FMO3: variants seen among roughly 807,000 people sequenced by gnomAD.
FMO3 encodes flavin-containing monooxygenase 3.
In FMO3, 40 loss-of-function variants were observed where a neutral mutation model predicts 39.4. The observed-to-expected ratio is 1.02, with a 90% confidence interval of 0.79 to 1.32. FMO3 has a LOEUF of 1.32. Ranked by LOEUF, FMO3 falls within the 40% of genes most tolerant of loss-of-function variation. The pLI is 0.00. For synonymous variants in FMO3, 219 were observed against 228.8 expected (o/e 0.96, Z 0.39); for missense variants, 680 against 651.8 (o/e 1.04, Z -0.47).
chr1:171,092,412 G>C (rs1456383433), intron 1 of FMO3, among the ~76,000 whole-genome samples: 1 of 151,758 alleles, frequency 6.6e-6, no homozygotes, highest in East Asian at 1.9e-4. Context: ...GTTTTGTTTT[G>C]TGGAGACAGG....
intron 1 of FMO3, among the ~76,000 whole-genome samples, chr1:171,091,390 G>A (rs1654696169): frequency 6.6e-6 from 1 of 151,844 alleles, no homozygotes; most frequent in Non-Finnish European, 1.5e-5. Flanking sequence ...GGATCATGAT[G>A]TTTAATCATC....
chr1:171,096,290 ATC>A (rs1491242002), intron 2 of FMO3, among the ~76,000 whole-genome samples: 6,340 of 36,578 alleles, frequency 0.17, 357 homozygotes, highest in South Asian at 0.3. Context: ...TATATTATAT[ATC>A]TATTATATAT....
At chr1:171,105,441 C>T (rs1047724000) in intron 3 of FMO3, among the ~76,000 whole-genome samples, 1 of 152,056 alleles carries the variant, frequency 6.6e-6, no homozygotes, top group African/African-American at 2.4e-5. Flanking sequence ...ATTTCTAGTC[C>T]TAGATCCCTG....
At chr1:171,096,916 A>G (rs897558699) in intron 2 of FMO3, among the ~76,000 whole-genome samples, 17 of 151,298 alleles carry the variant, frequency 1.1e-4, no homozygotes, top group African/African-American at 3.9e-4. Flanking sequence ...CATTAGGTAT[A>G]TCTCCTAATG....
chr1:171,091,223 CA>C (rs902273760), intron 1 of FMO3, among the ~76,000 whole-genome samples: 39 of 125,144 alleles, frequency 3.1e-4, no homozygotes, highest in Admixed American at 4.9e-4. Context: ...AACTCCGTCT[CA>C]AAAAAAAAAA....
intron 7 of FMO3, among the ~76,000 whole-genome samples, chr1:171,115,467 AG>A (rs1425756822): frequency 6.6e-6 from 1 of 152,192 alleles, no homozygotes; most frequent in Non-Finnish European, 1.5e-5. Context: ...AAGCTGTTCA[AG>A]TGACCCTCCC....
intron 6 of FMO3, among the ~76,000 whole-genome samples, chr1:171,112,912 C>A (rs1365309044): frequency 3.9e-5 from 6 of 152,018 alleles, no homozygotes; most frequent in Non-Finnish European, 7.4e-5. Flanking sequence ...AAAAGAATAG[C>A]CAGCAAAGTA....
At chr1:171,101,925 T>C in intron 2 of FMO3, 5 of 357,326 alleles carry the variant, frequency 1.4e-5, no homozygotes, top group South Asian at 1.1e-4. Context: ...CTCTGATTTT[T>C]TTCTGGACTA....
At chr1:171,101,581 T>C in intron 2 of FMO3, 1 of 420,134 alleles carries the variant, frequency 2.4e-6, no homozygotes, top group East Asian at 7.2e-5. Flanking sequence ...CAAACATTGG[T>C]TAAAACTTAG....
At chr1:171,117,030 G>A in intron 8 of FMO3, 70 bp from the exon 9 acceptor site, 1 of 1,199,974 alleles carries the variant, frequency 8.3e-7, no homozygotes, top group Admixed American at 1.7e-5. Flanking sequence ...AAAGTTGCGA[G>A]CCATTTTCTC....
intron 2 of FMO3, among the ~76,000 whole-genome samples, 183 bp from the exon 3 acceptor site, chr1:171,103,602 T>C (rs548240126): frequency 6.6e-6 from 1 of 152,326 alleles, no homozygotes; most frequent in Admixed American, 6.5e-5. Flanking sequence ...GTATATAGGT[T>C]ATACGAAAAT....
intron 6 of FMO3, among the ~76,000 whole-genome samples, chr1:171,113,093 G>T (rs911765469): frequency 1.3e-5 from 2 of 152,178 alleles, no homozygotes; most frequent in Non-Finnish European, 2.9e-5. Context: ...CAGTTTCAGC[G>T]TGGTGATGGA....
chr1:171,114,785 A>G (rs1205858632), intron 7 of FMO3, among the ~76,000 whole-genome samples: 1 of 152,214 alleles, frequency 6.6e-6, no homozygotes, highest in African/African-American at 2.4e-5. Context: ...ATCCACAGTC[A>G]TGGAAAATAT....
chr1:171,101,738 T>G, intron 2 of FMO3: 1 of 517,888 alleles, frequency 1.9e-6, no homozygotes, highest in Non-Finnish European at 4.0e-6. Context: ...GGAGGACATT[T>G]CACCCAGATC....
intron 3 of FMO3, among the ~76,000 whole-genome samples, chr1:171,104,798 C>G (rs576949878): frequency 6.6e-6 from 1 of 151,986 alleles, no homozygotes; most frequent in Non-Finnish European, 1.5e-5. Context: ...TGCTTGAGCT[C>G]GGGAGGTAGA....
Position 171,110,988 on chromosome 1 carries a change from CTTTAA to C in FMO3, c.819_823del (p.Leu274TrpfsTer10). 1.2e-6 allele frequency: 2 copies of C among 1,612,954 alleles called. No homozygotes were observed. Among genetic ancestry groups the C allele is most frequent in the Non-Finnish European group, 1.7e-6 (2 of 1,179,202 alleles). The stretch of plus-strand genomic sequence containing the variant: ...AAGCATGAAAACTATGGCTTGATGC[CTTTAA>C]ATGGGTAATGCAGAGCTAAACGTGA... On this transcript the variant is annotated frameshift_variant, in exon 6 of 9. Coordinates refer to ENST00000367755, the MANE Select transcript of FMO3 (RefSeq NM_001002294.3). LOFTEE classifies it high-confidence loss of function.
chr1:171,117,652 A>T lies in FMO3; in HGVS notation c.*210A>T. ...TCATGATCTTAAGAGAGCACTAATC[A>T]TTTCTGTTTGAGTTCCACTAACACT... On this transcript the variant is annotated 3_prime_UTR_variant, in exon 9 of 9. Transcript: ENST00000367755. The T allele has an allele frequency of 2.1e-6, 1 of 472,306 alleles. No individual in the cohort carries two copies. Among genetic ancestry groups the T allele is most frequent in the Non-Finnish European group, 3.7e-6 (1 of 268,180 alleles). The allele number at this position is 472,306 out of a possible 1,614,324, so 29.3% of individuals were successfully genotyped here.
At chr1:171,106,150 T>G (rs757045713) in intron 3 of FMO3, among the ~76,000 whole-genome samples, 9 of 152,162 alleles carry the variant, frequency 5.9e-5, no homozygotes, top group South Asian at 2.1e-4. Context: ...ATTTTTTTTT[T>G]TTGTTTTGAC....
chr1:171,099,109 G>A (rs1795239), intron 2 of FMO3, among the ~76,000 whole-genome samples: 9,862 of 152,034 alleles, frequency 0.065, 404 homozygotes, highest in East Asian at 0.19. Context: ...CTTTGTTCTC[G>A]TTGGTTTCAA....
Sources: gnomAD v4.1 joint callset for allele counts (sites outside exome capture counted in the v4.1 genomes callset) on GRCh38, gnomAD v4.1.1 for gene constraint, MANE v1.5 for transcripts, NCBI Gene and HGNC (gene_info 2026-07-23, HGNC 2026-07-21) for gene names.